The following CFAP251 variants were observed in gnomAD, a reference collection of about 807,000 sequenced individuals.
CFAP251 encodes cilia- and flagella-associated protein 251.
Under a neutral mutation model 126.7 loss-of-function variants are expected in CFAP251, and 93 were observed. The observed-to-expected ratio is 0.73, with a 90% CI of 0.62 to 0.87. The LOEUF (loss-of-function observed/expected upper bound fraction) is 0.87. Ranked by LOEUF, CFAP251 falls within the 40% of genes least tolerant of loss-of-function variation. The pLI, the probability that CFAP251 is intolerant of heterozygous loss-of-function variation, is 0.00. For synonymous variants in CFAP251, 503 were observed against 506.9 expected (o/e 0.99, Z 0.10); for missense variants, 1,287 against 1,389.2 (o/e 0.93, Z 1.17).
chr12:121,942,808 A>G, intron 6 of CFAP251, 87 bp from the exon 7 acceptor site: 1 of 1,463,150 alleles, frequency 6.8e-7, no homozygotes, highest in Non-Finnish European at 9.6e-7. Flanking sequence ...TAGTTACTTG[A>G]AGTTTTGGGG....
chr12:121,954,636 TAAAAAAAAAAAAAAAAAA>T (rs1174239421), intron 10 of CFAP251, among the ~76,000 whole-genome samples: 11 of 41,980 alleles, frequency 2.6e-4, no homozygotes, highest in African/African-American at 5.9e-4. Flanking sequence ...CCTCCTGTCT[TAAAAAAAAAAAAAAAAAA>T]AAAAAAAAAA....
intron 2 of CFAP251, among the ~76,000 whole-genome samples, chr12:121,922,557 C>T (rs930844787): frequency 6.6e-6 from 1 of 152,150 alleles, no homozygotes; most frequent in African/African-American, 2.4e-5. Context: ...AGCTGAGGTG[C>T]TCGCCTTAGA....
chr12:121,969,666 T>A, intron 17 of CFAP251: 1 of 871,380 alleles, frequency 1.1e-6, no homozygotes, highest in Non-Finnish European at 1.4e-6. Flanking sequence ...TAAAAAAATT[T>A]TTTTTGTCGA....
intron 5 of CFAP251, among the ~76,000 whole-genome samples, chr12:121,942,109 C>T (rs1020916325): frequency 2.0e-5 from 3 of 152,164 alleles, no homozygotes; most frequent in Non-Finnish European, 2.9e-5. Flanking sequence ...AGGTTAAATT[C>T]GCATAACATA....
chr12:121,953,829 C>T, intron 9 of CFAP251: 1 of 288,954 alleles, frequency 3.5e-6, no homozygotes, highest in Non-Finnish European at 6.4e-6. Flanking sequence ...CTGAAACCTC[C>T]ATAAGAGAAG....
chr12:121,934,268 T>C lies in CFAP251; in HGVS notation c.910T>C (p.Cys304Arg). ...ATAGGGCCACGCCAATATTATCTCC[T>C]GCCTCTGCGTCAGTGAAGACAGGCG... ...HLQGHANIIS[C>R]LCVSEDRRWI... The change falls in exon 5 of 22, where the codon TGC becomes CGC. Residue 304 changes from cysteine to arginine, a missense_variant. By Grantham distance (180) the Cys-to-Arg change is radical. Coordinates refer to ENST00000288912, the MANE Select transcript of CFAP251 (RefSeq NM_144668.6). The C allele has an allele frequency of 6.2e-7, 1 of 1,613,964 alleles. No individual in the cohort carries two copies. Among genetic ancestry groups the C allele is most frequent in the Non-Finnish European group, 8.5e-7 (1 of 1,179,948 alleles).
At chr12:121,963,760 C>G (rs771835885) in intron 15 of CFAP251, among the ~76,000 whole-genome samples, 11 of 151,130 alleles carry the variant, frequency 7.3e-5, no homozygotes, top group Non-Finnish European at 1.5e-4. Flanking sequence ...TCCCACCGAG[C>G]TTCAGGAGGC....
intron 17 of CFAP251, chr12:121,969,528 C>T (rs1882263461): frequency 1.0e-6 from 1 of 974,014 alleles, no homozygotes; most frequent in African/African-American, 1.8e-5. Flanking sequence ...CTCAGTCGCT[C>T]AGGCTGTAGT....
chr12:121,967,021 C>A lies in CFAP251; in HGVS notation c.2559C>A (p.Ser853Arg). The change falls in exon 16 of 22, where the codon AGC becomes AGA. Residue 853 changes from serine (S) to arginine (R), a missense_variant. Coordinates refer to ENST00000288912, the MANE Select transcript of CFAP251 (RefSeq NM_144668.6). The part of the protein sequence containing the change: ...IEQTQVLPVR[S>R]MAELQKRYLV... Reference sequence around the variant, plus strand: ...AGACACAAGTCCTCCCAGTGAGAAGCATGGCGGAGCTACAGAAACGCTACT... The same window carrying A: ...AGACACAAGTCCTCCCAGTGAGAAGAATGGCGGAGCTACAGAAACGCTACT... The A allele has an allele frequency of 1.9e-6, 3 of 1,614,216 alleles. No homozygotes were observed. In the South Asian group the frequency reaches 3.3e-5, roughly 18 times the overall value.
At position 121,942,565 on chromosome 12, in the gene CFAP251, C is replaced by T; in HGVS notation, c.1030C>T (p.Pro344Ser). The change falls in exon 6 of 22, where the codon CCT (proline) becomes TCT (serine). Residue 344 changes from proline (P) to serine (S), a missense_variant. By Grantham distance (74) the Pro-to-Ser change is moderately conservative. Coordinates refer to ENST00000288912, the MANE Select transcript of CFAP251 (RefSeq NM_144668.6). ...TGTGCACACAATATTTGACAGCTGC[C>T]CTGAAGGGAATGGCATCATGGCCAT... ...IPVHTIFDSCPEGNGIMAMAM... is the reference protein window; with the variant it reads ...IPVHTIFDSCSEGNGIMAMAM... 1 of 1,613,888 alleles carries T rather than the reference C, an allele frequency of 6.2e-7. No homozygotes were observed. Among genetic ancestry groups the T allele is most frequent in the Non-Finnish European group, 8.5e-7 (1 of 1,179,960 alleles).
Position 121,943,120 on chromosome 12 carries a change from C to T in CFAP251, c.1191+145C>T, listed in dbSNP as rs572104000. 2.3e-4 allele frequency: 177 copies of T among 761,028 alleles called. No individual in the cohort carries two copies. In the African/African-American group the frequency reaches 2.4e-3, roughly 10 times the overall value. 47.1% of individuals were successfully genotyped at this position (761,028 alleles called of 1,614,324 possible). The stretch of plus-strand genomic sequence containing the variant: ...TTGAGGTCAGGAGTTCAAGGCCAGC[C>T]TGGCCAACACAGTGAAACCCTGTCT... On this transcript the variant is annotated intron_variant, in intron 7 of 21. Transcript: ENST00000288912.
intron 3 of CFAP251, among the ~76,000 whole-genome samples, chr12:121,925,196 A>G (rs1880363738): frequency 6.6e-6 from 1 of 152,178 alleles, no homozygotes; most frequent in Admixed American, 6.5e-5. Flanking sequence ...GAAAAGCCCC[A>G]GGCAGTCCAG....
intron 17 of CFAP251, chr12:121,969,197 G>A (rs1882252344): frequency 1.0e-6 from 1 of 985,388 alleles, no homozygotes; most frequent in Non-Finnish European, 1.2e-6. Context: ...TCTTTTTATG[G>A]CAGATATTGA....
intron 3 of CFAP251, among the ~76,000 whole-genome samples, chr12:121,925,662 A>G (rs1293824850): frequency 7.6e-6 from 1 of 131,124 alleles, no homozygotes; most frequent in African/African-American, 3.0e-5. Context: ...GCCAGCAAAC[A>G]TAAATCAGGC....
chr12:121,952,084 G>T (rs1029352487), intron 9 of CFAP251, among the ~76,000 whole-genome samples: 2 of 151,734 alleles, frequency 1.3e-5, no homozygotes, highest in Admixed American at 6.6e-5. Context: ...ATGGCTTTTA[G>T]AATGTGTATG....
chr12:121,968,541 C>CA (rs35139262), intron 17 of CFAP251, among the ~76,000 whole-genome samples: 47,829 of 152,046 alleles, frequency 0.31, 9,972 homozygotes, highest in Non-Finnish European at 0.47. Flanking sequence ...CTCCTCTTCT[C>CA]ACCCTCCCTG....
chr12:121,919,267 C>G (rs1379338560), intron 1 of CFAP251, among the ~76,000 whole-genome samples: 1 of 151,802 alleles, frequency 6.6e-6, no homozygotes, highest in Non-Finnish European at 1.5e-5. Context: ...GTGTTGAGTT[C>G]TCTTATTCTA....
At chr12:121,958,223 C>G in intron 11 of CFAP251, 49 bp from the exon 12 acceptor site, 5 of 1,605,682 alleles carry the variant, frequency 3.1e-6, no homozygotes, top group Non-Finnish European at 3.4e-6. Context: ...GCTGGCATGC[C>G]CCATTCCCTG....
intron 17 of CFAP251, among the ~76,000 whole-genome samples, chr12:121,970,234 TCTC>T (rs1882288273): frequency 6.6e-6 from 1 of 152,190 alleles, no homozygotes; most frequent in Admixed American, 6.5e-5. Context: ...CGCCCCTTCT[TCTC>T]CTGCTCCGTG....
Sources: gnomAD v4.1 joint callset for allele counts (sites outside exome capture counted in the v4.1 genomes callset) on GRCh38, gnomAD v4.1.1 for gene constraint, MANE v1.5 for transcripts, NCBI Gene and HGNC (gene_info 2026-07-23, HGNC 2026-07-21) for gene names.